Variants in VPS13C observed in about 807,000 individuals in gnomAD.
The protein encoded by VPS13C is vacuolar protein sorting 13 homolog C, also known as intermembrane lipid transfer protein VPS13C.
In VPS13C, 358 loss-of-function variants were observed where a neutral mutation model predicts 456.8. The ratio of observed to expected loss-of-function variants is 0.78; its 90% CI spans 0.72 to 0.86. The LOEUF is 0.86. Among genes scored for constraint, VPS13C ranks in the 40% least tolerant of loss-of-function variants. The probability of loss-of-function intolerance (pLI) is 0.00; values close to 1 mark genes in which losing one functional copy is unlikely to be tolerated. For missense variants in VPS13C, 4,818 were observed against 4,385.4 expected, an observed-to-expected ratio of 1.10 and a Z score of -2.79; for synonymous variants, 1,578 against 1,486.7, an observed-to-expected ratio of 1.06 and a Z score of -1.41.
chr15:61,926,286 G>C (rs192508959), intron 52 of VPS13C, among the ~76,000 whole-genome samples: 1 of 152,282 alleles, frequency 6.6e-6, no homozygotes, highest in East Asian at 1.9e-4. Context: ...AGTAGTCCTA[G>C]CTACTCAGGA....
chr15:61,903,928 T>C (rs2140123853), intron 66 of VPS13C, among the ~76,000 whole-genome samples: 1 of 152,292 alleles, frequency 6.6e-6, no homozygotes, highest in South Asian at 2.1e-4. Flanking sequence ...GATAACCATA[T>C]GATGCAGGAG....
chr15:62,000,270 T>G (rs2046562358), intron 16 of VPS13C, among the ~76,000 whole-genome samples: 1 of 151,900 alleles, frequency 6.6e-6, no homozygotes, highest in African/African-American at 2.4e-5. Context: ...GAGGCTGAGG[T>G]AGGAGAATCA....
At position 61,929,698 on chromosome 15, in the gene VPS13C, A is replaced by T. The variant is rs139101195; in HGVS notation, c.6089T>A (p.Ile2030Lys). 2 of 1,613,792 alleles carry T rather than the reference A, an allele frequency of 1.2e-6. No individual in the cohort carries two copies. Among genetic ancestry groups the T allele is most frequent in the Non-Finnish European group, 8.5e-7 (1 of 1,179,798 alleles). ...TCCATTTTTGTCTTGTTTGTAACTT[A>T]TATCAATCATAGAACTGTTGTTATC... Reference protein sequence around the residue: ...DQDNNSSMIDISYKQDKNGSQ... With the variant: ...DQDNNSSMIDKSYKQDKNGSQ... Residue 2030 changes from isoleucine (I) to lysine (K), a missense_variant, in exon 51 of 85, where the codon ATA (isoleucine) becomes AAA (lysine). Around this residue, in one of 3 missense-constraint regions of VPS13C, gnomAD observed 4,552 missense variants for 4,130.6 expected, o/e 1.10. Transcript: ENST00000644861.
chr15:62,005,346 C>T (rs1327508056), intron 15 of VPS13C, among the ~76,000 whole-genome samples: 1 of 152,012 alleles, frequency 6.6e-6, no homozygotes, highest in Non-Finnish European at 1.5e-5. Context: ...CAACCCCTGC[C>T]TTTTTTTGTT....
rs1208456388 is a variant in VPS13C at position 61,931,236 on chromosome 15, A to C, written c.5892T>G (p.Asn1964Lys). 24 of 1,613,722 alleles carry C rather than the reference A, an allele frequency of 1.5e-5. No individual in the cohort carries two copies. The highest frequency in any genetic ancestry group is 1.9e-5 in the Non-Finnish European group (22 of 1,179,890). The change falls in exon 50 of 85, where the codon AAT (asparagine) becomes AAG (lysine). Residue 1964 changes from asparagine to lysine, a missense_variant. Around this residue, in one of 3 missense-constraint regions of VPS13C, gnomAD observed 4,552 missense variants for 4,130.6 expected, o/e 1.10. Transcript: ENST00000644861. Reference protein sequence around the residue: ...INQESGVAFHNDSFQLGELRL... With the variant: ...INQESGVAFHKDSFQLGELRL... Reference sequence around the variant, plus strand: ...TGAGTTCACCAAGTTGGAAACTGTCATTATGAAATGCAACTCCAGATTCCT... The same window carrying C: ...TGAGTTCACCAAGTTGGAAACTGTCCTTATGAAATGCAACTCCAGATTCCT...
chr15:61,881,472 T>A, intron 71 of VPS13C, 91 bp downstream of exon 71: 2 of 1,321,552 alleles, frequency 1.5e-6, no homozygotes, highest in Non-Finnish European at 2.1e-6. Context: ...ACTTTTTACA[T>A]GAAAGTCACT....
intron 49 of VPS13C, among the ~76,000 whole-genome samples, chr15:61,931,958 C>T (rs1241365110): frequency 6.6e-6 from 1 of 152,058 alleles, no homozygotes; most frequent in Non-Finnish European, 1.5e-5. Context: ...AAGAGTAAGG[C>T]ATGGTAGATG....
rs1226654417 is a variant in VPS13C, at chr15:62,020,523, G to T, written c.640C>A (p.Arg214=). ...AGTGTGACACCAAATGAAAGAGGCC[G>T]CTTTGGATCAGTGACCTACCAAAGA... ...KYEDDVTDPK[R]PLSFGVTLGE... Residue 214 remains arginine, a synonymous_variant, in exon 9 of 85, where the codon CGG becomes AGG. Transcript: ENST00000644861. The T allele has an allele frequency of 6.2e-7, 1 of 1,611,450 alleles. No individual in the cohort carries two copies. The highest frequency in any genetic ancestry group is 1.3e-5 in the African/African-American group (1 of 74,844).
At chr15:61,964,630 A>C in intron 31 of VPS13C, 69 bp downstream of exon 31, 1 of 1,407,752 alleles carries the variant, frequency 7.1e-7, no homozygotes, top group Non-Finnish European at 9.7e-7. Context: ...GATAGTCTCT[A>C]GTATTCCTCA....
intron 1 of VPS13C, among the ~76,000 whole-genome samples, chr15:62,050,827 T>C (rs186170914): frequency 3.6e-5 from 5 of 137,016 alleles, no homozygotes; most frequent in Admixed American, 3.6e-4. Context: ...AAAAAAAAAG[T>C]AAATCCTGGA....
chr15:61,964,668 C>T (rs751674861), intron 31 of VPS13C, 31 bp downstream of exon 31: 2 of 1,573,452 alleles, frequency 1.3e-6, no homozygotes, highest in Middle Eastern at 2.3e-4. Flanking sequence ...AAAACCCTTG[C>T]TAACAAAAAA....
intron 2 of VPS13C, among the ~76,000 whole-genome samples, chr15:62,043,397 G>A (rs372492831): frequency 5.4e-4 from 83 of 152,328 alleles, no homozygotes; most frequent in African/African-American, 1.9e-3. Flanking sequence ...CCTGAGGTCA[G>A]GAGTTGCAGA....
At position 61,886,548 on chromosome 15, in the gene VPS13C, A is replaced by G. The variant is rs138576829; in HGVS notation, c.9342-2279T>C. On this transcript the variant is annotated intron_variant, in intron 67 of 84. Transcript: ENST00000644861. The stretch of plus-strand genomic sequence containing the variant: ...CTAACTCAAACATGCTGTGATTTGT[A>G]GTGCACTGAGTAGCAATGTCAAAGA... Among the ~76,000 whole-genome samples the G allele has an allele frequency of 8.5e-5, 13 of 152,256 alleles. No homozygotes were observed. In the East Asian group the frequency reaches 2.1e-3, roughly 25 times the overall value.
chr15:61,985,097 T>A, intron 18 of VPS13C, 98 bp from the exon 19 acceptor site: 1 of 994,792 alleles, frequency 1.0e-6, no homozygotes, highest in Non-Finnish European at 1.4e-6. Context: ...TAAAGCAACC[T>A]AACAAATACA....
intron 6 of VPS13C, among the ~76,000 whole-genome samples, chr15:62,024,050 A>T (rs1670509030): frequency 6.6e-6 from 1 of 152,106 alleles, no homozygotes; most frequent in Non-Finnish European, 1.5e-5. Flanking sequence ...TGTAAAGAAT[A>T]ACCTTCTTTA....
At position 61,927,772 on chromosome 15, in the gene VPS13C, C is replaced by T. The variant is rs531498424; in HGVS notation, c.6287-452G>A. 5.8e-4 allele frequency among the ~76,000 whole-genome samples: 89 copies of T among 152,200 alleles called. 2 individuals are homozygous for T. The South Asian group carries it at 8.7e-3, about 15-fold the overall frequency. On this transcript the variant is annotated intron_variant, in intron 51 of 84. Transcript: ENST00000644861. ...ATGTTTATTGCGGCACTATTCACAA[C>T]AGCAAAGACTTGGAACCAACCCAAA...
intron 66 of VPS13C, among the ~76,000 whole-genome samples, chr15:61,891,449 T>G (rs773123130): frequency 1.3e-5 from 2 of 152,210 alleles, no homozygotes; most frequent in Non-Finnish European, 2.9e-5. Context: ...TTTTTTACTC[T>G]AATAAGAAAT....
chr15:62,052,413 C>T (rs1230128964), intron 1 of VPS13C, among the ~76,000 whole-genome samples: 8 of 151,968 alleles, frequency 5.3e-5, no homozygotes, highest in African/African-American at 1.7e-4. Flanking sequence ...CGGTGACTCA[C>T]GCCTGTAATC....
Position 61,925,448 on chromosome 15 carries a change from G to T in VPS13C, c.6609+8C>A. On this transcript the variant is annotated splice_region_variant and intron_variant, in intron 53 of 84. Coordinates refer to ENST00000644861, the MANE Select transcript of VPS13C (RefSeq NM_020821.3). The stretch of plus-strand genomic sequence containing the variant: ...AATTTTCACTCAAAGAATATGGTAA[G>T]TACTAACCTTAATTATAAATTCTTT... 1 of 1,507,368 alleles carries T rather than the reference G, an allele frequency of 6.6e-7. No homozygotes were observed. The highest frequency in any genetic ancestry group is 9.0e-7 in the Non-Finnish European group (1 of 1,106,106). The allele number at this position is 1,507,368 out of a possible 1,614,324, so 93.4% of individuals were successfully genotyped here. A position where few individuals can be genotyped will look rare whatever the true frequency, so the allele number is the denominator to read the frequency against.
Sources: allele counts gnomAD v4.1 joint callset (sites outside exome capture counted in the v4.1 genomes callset), GRCh38; gene constraint gnomAD v4.1.1; regional missense constraint gnomAD v4.1.1; transcripts MANE v1.5; gene names NCBI Gene and HGNC (gene_info 2026-07-23, HGNC 2026-07-21).